Variants in DLG2 observed in about 807,000 individuals in gnomAD.
DLG2 encodes the protein disks large homolog 2.
DLG2 carries 45 observed loss-of-function variants against 132.5 expected under a neutral mutation model. That is an observed-to-expected ratio of 0.34 (90% confidence interval 0.27 to 0.44). The LOEUF (loss-of-function observed/expected upper bound fraction) is 0.44. Among genes scored for constraint, DLG2 ranks in the 20% least tolerant of loss-of-function variants. DLG2 has a pLI of 1.00. For synonymous variants in DLG2, 424 were observed against 419.6 expected, an observed-to-expected ratio of 1.01 and a Z score of -0.13; for missense variants, 1,045 against 1,196.9, an observed-to-expected ratio of 0.87 and a Z score of 1.87.
intron 15 of DLG2, among the ~76,000 whole-genome samples, chr11:83,910,760 G>A (rs1254986098): frequency 7.2e-5 from 11 of 152,058 alleles, no homozygotes; most frequent in African/African-American, 2.7e-4. Context: ...TTTCATACAG[G>A]TACTTTGAGA....
At chr11:84,895,961 T>C (rs2090131424) in intron 6 of DLG2, among the ~76,000 whole-genome samples, 1 of 152,110 alleles carries the variant, frequency 6.6e-6, no homozygotes, top group Non-Finnish European at 1.5e-5. Context: ...TTTATTAATA[T>C]TTTTGAATTT....
chr11:84,455,879 T>A (rs1408128622), intron 7 of DLG2, among the ~76,000 whole-genome samples: 3 of 151,332 alleles, frequency 2.0e-5, no homozygotes, highest in African/African-American at 4.8e-5. Flanking sequence ...GCCAAAAAGA[T>A]CAATTTGTTT....
At chr11:83,965,796 G>A (rs2090052310) in intron 12 of DLG2, among the ~76,000 whole-genome samples, 1 of 151,788 alleles carries the variant, frequency 6.6e-6, no homozygotes, top group South Asian at 2.1e-4. Flanking sequence ...ATTAGTGGAA[G>A]AAAACTTAAA....
At chr11:85,627,831 A>G (rs1180689093), upstream of DLG2, 1 of 152,518 alleles carries the variant, frequency 6.6e-6, no homozygotes, top group African/African-American at 2.4e-5. Flanking sequence ...CAACAGCAGC[A>G]CTAGAAATTA....
At chr11:84,213,440 T>A (rs2096784319) in intron 8 of DLG2, among the ~76,000 whole-genome samples, 1 of 152,114 alleles carries the variant, frequency 6.6e-6, no homozygotes, top group African/African-American at 2.4e-5. Context: ...CAAGGTATGA[T>A]CCAAAGTATG....
chr11:84,283,557 A>C (rs935520612), intron 7 of DLG2, among the ~76,000 whole-genome samples: 3 of 152,210 alleles, frequency 2.0e-5, no homozygotes, highest in African/African-American at 7.2e-5. Context: ...TCCAACATAC[A>C]TTTGACCAGT....
At chr11:85,485,832 G>A (rs1052186217) in intron 3 of DLG2, among the ~76,000 whole-genome samples, 2 of 152,196 alleles carry the variant, frequency 1.3e-5, no homozygotes, top group African/African-American at 2.4e-5. Flanking sequence ...CTGAGCAGCT[G>A]CTTCTTGGTG....
At chr11:85,075,913 T>C (rs1385765710) in intron 6 of DLG2, among the ~76,000 whole-genome samples, 1 of 151,902 alleles carries the variant, frequency 6.6e-6, no homozygotes, top group African/African-American at 2.4e-5. Context: ...AATGTAGTCA[T>C]GTGTTATTTG....
chr11:85,539,258 C>T (rs1362386174), intron 3 of DLG2, among the ~76,000 whole-genome samples: 4 of 152,052 alleles, frequency 2.6e-5, no homozygotes, highest in Non-Finnish European at 1.5e-5. Flanking sequence ...ACACATGATA[C>T]AGCTGTCACT....
chr11:84,356,778 G>A (rs576951415), intron 7 of DLG2, among the ~76,000 whole-genome samples: 8 of 151,982 alleles, frequency 5.3e-5, no homozygotes, highest in Admixed American at 5.2e-4. Context: ...TGCCAGGGTA[G>A]AGAATGAACA....
At chr11:84,423,061 C>T (rs1344086724) in intron 7 of DLG2, among the ~76,000 whole-genome samples, 1 of 152,072 alleles carries the variant, frequency 6.6e-6, no homozygotes, top group Non-Finnish European at 1.5e-5. Flanking sequence ...GTAAATTAGT[C>T]AGCACATTTT....
At chr11:85,184,652 A>T (rs2079968526) in intron 4 of DLG2, among the ~76,000 whole-genome samples, 2 of 151,932 alleles carry the variant, frequency 1.3e-5, no homozygotes, top group Admixed American at 1.3e-4. Flanking sequence ...GCCATCTTCC[A>T]TGTCACAGAG....
chr11:85,182,511 TA>T (rs1203876488), intron 4 of DLG2, among the ~76,000 whole-genome samples: 1 of 151,868 alleles, frequency 6.6e-6, no homozygotes, highest in Non-Finnish European at 1.5e-5. Flanking sequence ...AACTGCTTTT[TA>T]AAAAGCAATG....
chr11:85,227,672 A>T (rs967143699), intron 4 of DLG2, among the ~76,000 whole-genome samples: 3 of 152,088 alleles, frequency 2.0e-5, no homozygotes, highest in Admixed American at 6.6e-5. Context: ...ATATCAAACA[A>T]TGTTTCTCCT....
chr11:83,814,468 C>A (rs564693345), intron 17 of DLG2: 35 of 213,178 alleles, frequency 1.6e-4, no homozygotes, highest in African/African-American at 7.8e-4. Flanking sequence ...AAAGCTTGAG[C>A]TTCTTCTGAA....
intron 5 of DLG2, among the ~76,000 whole-genome samples, chr11:85,153,334 C>T (rs1054713968): frequency 2.6e-5 from 4 of 152,118 alleles, no homozygotes; most frequent in African/African-American, 9.7e-5. Flanking sequence ...TAGTTGTTCC[C>T]ATAATTGAAT....
chr11:84,168,852 A>ACACACAC (rs1566792684), intron 8 of DLG2, among the ~76,000 whole-genome samples: 24 of 72,582 alleles, frequency 3.3e-4, no homozygotes, highest in Admixed American at 7.8e-4. Context: ...CACACACACA[A>ACACACAC]ACACACACAC....
intron 6 of DLG2, among the ~76,000 whole-genome samples, chr11:84,662,669 C>G (rs745712462): frequency 4.6e-5 from 7 of 151,616 alleles, no homozygotes; most frequent in African/African-American, 7.3e-5. Context: ...CACCTGTAAT[C>G]CCAGCTACTA....
At chr11:83,589,785 G>A (rs2097155658) in intron 19 of DLG2, among the ~76,000 whole-genome samples, 1 of 148,198 alleles carries the variant, frequency 6.7e-6, no homozygotes, top group African/African-American at 2.5e-5. Flanking sequence ...AAAATAAAAG[G>A]ATGGAGGAAG....
Sources: gnomAD v4.1 joint callset for allele counts (sites outside exome capture counted in the v4.1 genomes callset) on GRCh38, gnomAD v4.1.1 for gene constraint, MANE v1.5 for transcripts, NCBI Gene and HGNC (gene_info 2026-07-23, HGNC 2026-07-21) for gene names.